Variants in MAP3K13 observed in about 807,000 individuals in gnomAD.
MAP3K13 encodes mitogen-activated protein kinase kinase kinase 13.
Under a neutral mutation model 104.0 loss-of-function variants are expected in MAP3K13, and 52 were observed. The ratio of observed to expected loss-of-function variants is 0.50; its 90% CI spans 0.40 to 0.63. The LOEUF (loss-of-function observed/expected upper bound fraction) is 0.63. Ranked by LOEUF, MAP3K13 falls within the 20% of genes least tolerant of loss-of-function variation. The pLI is 0.00. For synonymous variants in MAP3K13, 394 were observed against 442.2 expected (o/e 0.89, Z 1.37); for missense variants, 914 against 1,218.5 (o/e 0.75, Z 3.72).
At chr3:185,354,590 C>T (rs1424275781) in intron 2 of MAP3K13, among the ~76,000 whole-genome samples, 1 of 102,694 alleles carries the variant, frequency 9.7e-6, no homozygotes, top group African/African-American at 3.7e-5. Flanking sequence ...AAGAACAACA[C>T]TGGGACTGTT....
Position 185,350,333 on chromosome 3 carries a change from G to T in MAP3K13, c.-86+64690G>T, listed in dbSNP as rs557702529. ...CCTGAGTAGCTGGGATTACAGGCATGCATTACCATGCCTGGCTAATTTTTC... is the reference window on the plus strand; with the variant it reads ...CCTGAGTAGCTGGGATTACAGGCATTCATTACCATGCCTGGCTAATTTTTC... On this transcript the variant is annotated intron_variant, in intron 2 of 14. Transcript: ENST00000424227. Among the ~76,000 whole-genome samples the T allele has an allele frequency of 2.8e-4, 43 of 152,248 alleles. No individual in the cohort carries two copies. The South Asian group carries it at 2.9e-3, about 10-fold the overall frequency.
intron 7 of MAP3K13, among the ~76,000 whole-genome samples, chr3:185,454,556 CATATATATG>C (rs1207359514): frequency 3.7e-5 from 2 of 53,836 alleles, no homozygotes; most frequent in Admixed American, 3.1e-4. Flanking sequence ...GATATATACA[CATATATATG>C]ATATATATGA....
rs1172079719 is a variant in MAP3K13, at chr3:185,348,239, G to A, written c.-86+62596G>A. ...CCTCTCTTTATATTTACTTATAGTG[G>A]AAGCCACTTCAAGACACCAGCCTCT... On this transcript the variant is annotated intron_variant, in intron 2 of 14. Coordinates refer to the MAP3K13 transcript ENST00000424227. Among the ~76,000 whole-genome samples, 4 of 151,978 alleles carry A rather than the reference G, an allele frequency of 2.6e-5. No homozygotes were observed. In the East Asian group the frequency reaches 7.7e-4, roughly 29 times the overall value.
intron 2 of MAP3K13, among the ~76,000 whole-genome samples, chr3:185,313,521 G>A (rs1053737630): frequency 2.0e-5 from 3 of 151,792 alleles, no homozygotes; most frequent in Admixed American, 6.6e-5. Context: ...TGCCCACCTC[G>A]GCCTCCCAAA....
intron 7 of MAP3K13, among the ~76,000 whole-genome samples, chr3:185,456,642 C>G (rs560080341): frequency 8.1e-6 from 1 of 123,640 alleles, no homozygotes; most frequent in South Asian, 2.8e-4. Context: ...CTCTGTCTTA[C>G]CCAGGCTGGA....
intron 1 of MAP3K13, among the ~76,000 whole-genome samples, chr3:185,406,661 T>C (rs1713129182): frequency 6.6e-6 from 1 of 152,260 alleles, no homozygotes; most frequent in Non-Finnish European, 1.5e-5. Context: ...TCTAAGATTT[T>C]GGTACTATTC....
chr3:185,293,156 C>T (rs1720804432), intron 2 of MAP3K13: 1 of 601,740 alleles, frequency 1.7e-6, no homozygotes, highest in Non-Finnish European at 2.1e-6. Flanking sequence ...CTGGCTCTGT[C>T]ACCCAGGCTG....
At position 185,453,997 on chromosome 3, in the gene MAP3K13, CAT is replaced by C. The variant is rs1363725736; in HGVS notation, c.1278+2609_1278+2610del. 2.5e-3 allele frequency among the ~76,000 whole-genome samples: 75 copies of C among 29,774 alleles called. 3 individuals are homozygous for C. The highest frequency in any genetic ancestry group is 7.0e-3 in the African/African-American group (71 of 10,204). 19.5% of individuals were successfully genotyped at this position (29,774 alleles called of 152,430 possible). On this transcript the variant is annotated intron_variant, in intron 7 of 13. Transcript: ENST00000265026. ...ATATATATGAGATATATATATGATA[CAT>C]ATATATGAGATATATATATGATACA...
At chr3:185,454,033 A>C (rs1317578180) in intron 7 of MAP3K13, among the ~76,000 whole-genome samples, 1 of 9,282 alleles carries the variant, frequency 1.1e-4, no homozygotes, top group African/African-American at 2.9e-4. Flanking sequence ...CATATATATG[A>C]GATATATATA....
At chr3:185,373,865 T>A (rs1375788002) in intron 1 of MAP3K13, among the ~76,000 whole-genome samples, 1 of 147,338 alleles carries the variant, frequency 6.8e-6, no homozygotes, top group Admixed American at 6.9e-5. Context: ...CAGCGGCTGT[T>A]TATTTCACCT....
intron 5 of MAP3K13, 82 bp downstream of exon 5, chr3:185,448,029 C>A: frequency 2.1e-6 from 3 of 1,409,704 alleles, no homozygotes; most frequent in Non-Finnish European, 3.0e-6. Context: ...TCAGCACTTA[C>A]TTTTCCAGAA....
intron 2 of MAP3K13, among the ~76,000 whole-genome samples, chr3:185,299,920 G>A (rs1011759669): frequency 2.0e-5 from 3 of 152,110 alleles, no homozygotes; most frequent in Admixed American, 1.3e-4. Context: ...AGTGTTAACG[G>A]TATATATATT....
intron 2 of MAP3K13, among the ~76,000 whole-genome samples, chr3:185,435,021 TGAGA>T (rs1170073073): frequency 6.6e-6 from 1 of 152,060 alleles, no homozygotes; most frequent in Non-Finnish European, 1.5e-5. Flanking sequence ...GTTGTTGTTT[TGAGA>T]CAGAGTTTCG....
chr3:185,430,122 C>G (rs1714660467), intron 2 of MAP3K13, among the ~76,000 whole-genome samples: 2 of 152,072 alleles, frequency 1.3e-5, no homozygotes, highest in Admixed American at 1.3e-4. Context: ...ATTGCTTAAA[C>G]CCAGCAGAGG....
In MAP3K13 at chr3:185,455,522, G is replaced by GACATATATATC. The variant is rs1250218084; in HGVS notation, c.1278+4128_1278+4129insCATATATATCA. ...CATGAGATATATATGAGATATATAT[G>GACATATATATC]ATATATATGAGATATATATGACATA... On this transcript the variant is annotated intron_variant, in intron 7 of 13. Transcript: ENST00000265026. 9.2e-5 allele frequency among the ~76,000 whole-genome samples: 3 copies of GACATATATATC among 32,566 alleles called. 1 individual carries two copies. The highest frequency in any genetic ancestry group is 2.3e-4 in the African/African-American group (3 of 13,210). The allele number at this position is 32,566 out of a possible 152,430, so 21.4% of individuals were successfully genotyped here. A position where few individuals can be genotyped will look rare whatever the true frequency, so the allele number is the denominator to read the frequency against.
At chr3:185,301,488 T>C (rs1266753009) in intron 2 of MAP3K13, among the ~76,000 whole-genome samples, 1 of 152,232 alleles carries the variant, frequency 6.6e-6, no homozygotes, top group Non-Finnish European at 1.5e-5. Context: ...ATTTTTGCAC[T>C]TGTTGCCTGT....
intron 2 of MAP3K13, among the ~76,000 whole-genome samples, chr3:185,298,212 ATCTT>A (rs1720985156): frequency 6.6e-6 from 1 of 152,144 alleles, no homozygotes; most frequent in Non-Finnish European, 1.5e-5. Context: ...TCTCTTTTCT[ATCTT>A]TTACTTAGAG....
chr3:185,454,510 T>C (rs1369310192), intron 7 of MAP3K13, among the ~76,000 whole-genome samples: 1 of 98,984 alleles, frequency 1.0e-5, no homozygotes, highest in Admixed American at 1.4e-4. Flanking sequence ...ATATGAGATA[T>C]ATATGATATA....
At chr3:185,291,490 T>G in intron 2 of MAP3K13, 1 of 912,332 alleles carries the variant, frequency 1.1e-6, no homozygotes, top group Non-Finnish European at 1.5e-6. Context: ...TTTCTCCTTT[T>G]GTTCTTTCAG....
Sources: gnomAD v4.1 joint callset for allele counts (sites outside exome capture counted in the v4.1 genomes callset) on GRCh38, gnomAD v4.1.1 for gene constraint, MANE v1.5 for transcripts, NCBI Gene and HGNC (gene_info 2026-07-23, HGNC 2026-07-21) for gene names.